Variants in SLC16A10 observed in about 807,000 individuals in gnomAD.
SLC16A10 encodes the protein solute carrier family 16 member 10.
A neutral mutation model predicts 40.0 loss-of-function variants in SLC16A10; 27 were observed. The ratio of observed to expected loss-of-function variants is 0.67; its 90% CI spans 0.50 to 0.93. The LOEUF (loss-of-function observed/expected upper bound fraction) is 0.93, where lower values mean the gene tolerates loss of function less well. SLC16A10 is among the 40% of genes least tolerant of loss of function. The pLI is 0.00. For missense variants in SLC16A10, 529 were observed against 658.2 expected (o/e 0.80, Z 2.15); for synonymous variants, 213 against 249.8 (o/e 0.85, Z 1.39).
chr6:111,093,670 C>T (rs1255284920), intron 1 of SLC16A10, among the ~76,000 whole-genome samples: 1 of 152,124 alleles, frequency 6.6e-6, no homozygotes, highest in Non-Finnish European at 1.5e-5. Flanking sequence ...ATTTCTGTAT[C>T]TTAGAAAAAT....
At chr6:111,152,831 T>C (rs1772196489) in intron 1 of SLC16A10, among the ~76,000 whole-genome samples, 1 of 152,224 alleles carries the variant, frequency 6.6e-6, no homozygotes, top group African/African-American at 2.4e-5. Flanking sequence ...GACTAAGTGT[T>C]CTCATTCAAT....
chr6:111,096,938 A>G (rs991049229), intron 1 of SLC16A10, among the ~76,000 whole-genome samples: 7 of 151,640 alleles, frequency 4.6e-5, no homozygotes, highest in African/African-American at 1.7e-4. Flanking sequence ...TCCTGCCCCA[A>G]CCTCCTGAAC....
rs193048264 is a variant in SLC16A10, at chr6:111,211,714, G to A, written c.1086+4979G>A. ...CTAACCCATGCAGGATGCTGGACTC[G>A]TTCCCTTATTCACTACCTCCTCTCT... On this transcript the variant is annotated intron_variant, in intron 4 of 5. Transcript: ENST00000368851. Among the ~76,000 whole-genome samples the A allele has an allele frequency of 2.9e-3, 443 of 152,278 alleles. 1 individual carries two copies. The highest frequency in any genetic ancestry group is 9.9e-3 in the African/African-American group (412 of 41,556).
intron 1 of SLC16A10, among the ~76,000 whole-genome samples, chr6:111,159,384 C>G (rs1194558848): frequency 6.6e-6 from 1 of 152,060 alleles, no homozygotes; most frequent in Non-Finnish European, 1.5e-5. Context: ...TGCACATGTG[C>G]AAAATTTCTC....
intron 2 of SLC16A10, among the ~76,000 whole-genome samples, chr6:111,175,705 A>ATTTT (rs35809166): frequency 6.9e-6 from 1 of 144,798 alleles, no homozygotes; most frequent in Admixed American, 6.9e-5. Context: ...GCAGAACCAC[A>ATTTT]TTTTTTTTTT....
chr6:111,105,392 A>G (rs370457321), intron 1 of SLC16A10, among the ~76,000 whole-genome samples: 3 of 152,316 alleles, frequency 2.0e-5, no homozygotes, highest in South Asian at 2.1e-4. Flanking sequence ...GAGAGCTACT[A>G]TAATACTATT....
chr6:111,097,334 C>T (rs144855678), intron 1 of SLC16A10, among the ~76,000 whole-genome samples: 2,052 of 151,662 alleles, frequency 0.014, no homozygotes, highest in African/African-American at 0.048. Context: ...TTTTTGGAGA[C>T]AGAGTCTTGC....
intron 1 of SLC16A10, among the ~76,000 whole-genome samples, chr6:111,119,208 T>C (rs1165826947): frequency 6.6e-6 from 1 of 152,224 alleles, no homozygotes; most frequent in African/African-American, 2.4e-5. Flanking sequence ...TAAAGTTCAT[T>C]ACATATTTTA....
chr6:111,092,351 A>G (rs192270838), intron 1 of SLC16A10, among the ~76,000 whole-genome samples: 1,364 of 117,650 alleles, frequency 0.012, 5 homozygotes, highest in African/African-American at 0.023. Flanking sequence ...ACAGATTCTC[A>G]CTCTGTCGCC....
chr6:111,095,846 G>A (rs140459582), intron 1 of SLC16A10, among the ~76,000 whole-genome samples: 25 of 152,326 alleles, frequency 1.6e-4, no homozygotes, highest in African/African-American at 6.0e-4. Flanking sequence ...ATGTGGAACT[G>A]TGAGTCCATT....
chr6:111,118,066 A>C (rs1771520136), intron 1 of SLC16A10, among the ~76,000 whole-genome samples: 2 of 152,236 alleles, frequency 1.3e-5, no homozygotes, highest in South Asian at 4.1e-4. Flanking sequence ...AATAGGTAAA[A>C]GATACGAACA....
chr6:111,147,769 C>A (rs1233219155), intron 1 of SLC16A10, among the ~76,000 whole-genome samples: 1 of 152,136 alleles, frequency 6.6e-6, no homozygotes, highest in South Asian at 2.1e-4. Context: ...GGTGAAATCC[C>A]TTTTTGTTTT....
At chr6:111,154,742 C>T (rs1583332059) in intron 1 of SLC16A10, among the ~76,000 whole-genome samples, 2 of 152,230 alleles carry the variant, frequency 1.3e-5, no homozygotes, top group East Asian at 3.9e-4. Context: ...CCTATAATCC[C>T]AGCACTTTGG....
At chr6:111,157,217 A>G (rs561932054) in intron 1 of SLC16A10, among the ~76,000 whole-genome samples, 1 of 151,446 alleles carries the variant, frequency 6.6e-6, no homozygotes, top group African/African-American at 2.4e-5. Flanking sequence ...CCGCGCCCAG[A>G]CAAAAGTTTA....
chr6:111,114,785 A>C (rs1258082387), intron 1 of SLC16A10, among the ~76,000 whole-genome samples: 2 of 152,228 alleles, frequency 1.3e-5, no homozygotes, highest in Non-Finnish European at 2.9e-5. Context: ...AAGATTTTAC[A>C]AAATTCATTG....
chr6:111,132,647 G>T (rs897323964), intron 1 of SLC16A10, among the ~76,000 whole-genome samples: 2 of 152,194 alleles, frequency 1.3e-5, no homozygotes, highest in Non-Finnish European at 2.9e-5. Flanking sequence ...AAAATATGGG[G>T]CTCTTCTGTT....
At chr6:111,202,194 G>A (rs1030818406) in intron 3 of SLC16A10, among the ~76,000 whole-genome samples, 1 of 152,208 alleles carries the variant, frequency 6.6e-6, no homozygotes, top group African/African-American at 2.4e-5. Context: ...AGTTACCCAC[G>A]GCCGGGTGTG....
intron 3 of SLC16A10, among the ~76,000 whole-genome samples, chr6:111,204,258 G>A (rs1773219268): frequency 6.6e-6 from 1 of 152,212 alleles, no homozygotes; most frequent in South Asian, 2.1e-4. Context: ...GATTTGAAGA[G>A]GGAAAGGGAA....
intron 3 of SLC16A10, among the ~76,000 whole-genome samples, chr6:111,194,749 G>A (rs1773053077): frequency 6.6e-6 from 1 of 152,166 alleles, no homozygotes; most frequent in Non-Finnish European, 1.5e-5. Context: ...CTCCTCAGGT[G>A]CTCTCTCAGG....
Sources: allele counts gnomAD v4.1 joint callset (sites outside exome capture counted in the v4.1 genomes callset), GRCh38; gene constraint gnomAD v4.1.1; transcripts MANE v1.5; gene names NCBI Gene and HGNC (gene_info 2026-07-23, HGNC 2026-07-21).